LRMDA: variants seen among roughly 807,000 people sequenced by gnomAD.
The protein encoded by LRMDA is leucine-rich melanocyte differentiation-associated protein.
In LRMDA, 18 loss-of-function variants were observed where a neutral mutation model predicts 29.8. The ratio of observed to expected loss-of-function variants is 0.60; its 90% confidence interval spans 0.42 to 0.90. The LOEUF is 0.90. Ranked by LOEUF, LRMDA falls within the 40% of genes least tolerant of loss-of-function variation. The probability of loss-of-function intolerance (pLI) is 0.00; values close to 1 mark genes in which losing one functional copy is unlikely to be tolerated. For missense variants in LRMDA, 273 were observed against 273.9 expected (o/e 1.00, Z 0.02); for synonymous variants, 125 against 109.4 (o/e 1.14, Z -0.89).
intron 2 of LRMDA, among the ~76,000 whole-genome samples, chr10:75,789,859 C>T (rs1589203071): frequency 6.6e-6 from 1 of 152,178 alleles, no homozygotes; most frequent in East Asian, 1.9e-4. Context: ...GATTTCAGGA[C>T]CTCTGAAAGC....
chr10:76,205,278 C>G (rs1851513749), intron 5 of LRMDA, among the ~76,000 whole-genome samples: 2 of 152,152 alleles, frequency 1.3e-5, no homozygotes, highest in Non-Finnish European at 2.9e-5. Context: ...GATGGGGTGC[C>G]TCTTCTGTGT....
chr10:76,106,624 C>A (rs1351347387), intron 5 of LRMDA, among the ~76,000 whole-genome samples: 1 of 152,166 alleles, frequency 6.6e-6, no homozygotes, highest in Non-Finnish European at 1.5e-5. Context: ...TCCCCCAGGC[C>A]CAGTCCTGGT....
At chr10:76,134,302 A>G (rs1259460488) in intron 5 of LRMDA, among the ~76,000 whole-genome samples, 1 of 151,964 alleles carries the variant, frequency 6.6e-6, no homozygotes, top group African/African-American at 2.4e-5. Flanking sequence ...GGTGATATTC[A>G]TGGTTTTATT....
chr10:76,053,027 G>A (rs1012023579), intron 4 of LRMDA, among the ~76,000 whole-genome samples: 2 of 152,258 alleles, frequency 1.3e-5, no homozygotes, highest in Non-Finnish European at 2.9e-5. Flanking sequence ...ATTTATAGAC[G>A]GGGGTTTCTG....
chr10:76,347,973 T>C (rs1841129115), intron 6 of LRMDA, among the ~76,000 whole-genome samples: 1 of 152,166 alleles, frequency 6.6e-6, no homozygotes, highest in East Asian at 1.9e-4. Context: ...TGTACAAATG[T>C]TTGCATGCTT....
chr10:75,891,363 C>T (rs866959130), intron 2 of LRMDA, among the ~76,000 whole-genome samples: 1 of 152,138 alleles, frequency 6.6e-6, no homozygotes, highest in African/African-American at 2.4e-5. Flanking sequence ...TTGTTGGGTC[C>T]CATCCCAGTT....
intron 6 of LRMDA, among the ~76,000 whole-genome samples, chr10:76,434,596 C>G (rs998204217): frequency 6.6e-6 from 1 of 152,198 alleles, no homozygotes; most frequent in Non-Finnish European, 1.5e-5. Flanking sequence ...AGGCCATCCA[C>G]TCATCCATCT....
intron 5 of LRMDA, among the ~76,000 whole-genome samples, chr10:76,245,992 G>A (rs1446290233): frequency 4.6e-5 from 7 of 152,134 alleles, no homozygotes; most frequent in Non-Finnish European, 1.0e-4. Context: ...CACGGTATAT[G>A]CCACATACTA....
chr10:75,621,199 TAC>T (rs753933285), intron 2 of LRMDA, among the ~76,000 whole-genome samples: 57 of 136,600 alleles, frequency 4.2e-4, no homozygotes, highest in African/African-American at 1.1e-3. Context: ...AGTATTCCAT[TAC>T]ACACACACAC....
intron 2 of LRMDA, among the ~76,000 whole-genome samples, chr10:75,691,248 A>C (rs1234693782): frequency 1.5e-5 from 2 of 132,848 alleles, no homozygotes; most frequent in Non-Finnish European, 3.0e-5. Context: ...GTGTGTATGT[A>C]TGTATGTATA....
chr10:76,143,855 G>A (rs189039267), intron 5 of LRMDA, among the ~76,000 whole-genome samples: 1,934 of 152,248 alleles, frequency 0.013, 43 homozygotes, highest in African/African-American at 0.043. Flanking sequence ...AATCCATCTT[G>A]AATTAATTTT....
chr10:76,122,360 G>T (rs954019233), intron 5 of LRMDA, among the ~76,000 whole-genome samples: 2 of 151,814 alleles, frequency 1.3e-5, no homozygotes, highest in East Asian at 1.9e-4. Flanking sequence ...GCACCTTCAG[G>T]TGTTTTCCTT....
intron 2 of LRMDA, among the ~76,000 whole-genome samples, chr10:75,496,695 T>C (rs912896645): frequency 6.6e-6 from 1 of 152,142 alleles, no homozygotes; most frequent in Admixed American, 6.5e-5. Context: ...ATTGGAAGCA[T>C]GAACTGACCT....
At chr10:76,525,123 G>T (rs1490472521) in intron 6 of LRMDA, among the ~76,000 whole-genome samples, 1 of 152,156 alleles carries the variant, frequency 6.6e-6, no homozygotes, top group Non-Finnish European at 1.5e-5. Flanking sequence ...AGGGACAGGG[G>T]TTGTGATACT....
chr10:76,417,253 C>G (rs932922547), intron 6 of LRMDA, among the ~76,000 whole-genome samples: 1 of 152,146 alleles, frequency 6.6e-6, no homozygotes, highest in African/African-American at 2.4e-5. Context: ...GCTGAAATTT[C>G]TCTTTTATAT....
At chr10:76,442,036 C>T (rs1477625483) in intron 6 of LRMDA, among the ~76,000 whole-genome samples, 1 of 152,144 alleles carries the variant, frequency 6.6e-6, no homozygotes, top group African/African-American at 2.4e-5. Flanking sequence ...ATAGAAAGTA[C>T]TAATTTTGAT....
intron 2 of LRMDA, among the ~76,000 whole-genome samples, chr10:75,956,980 T>C (rs1253185509): frequency 6.6e-6 from 1 of 152,240 alleles, no homozygotes; most frequent in Non-Finnish European, 1.5e-5. Flanking sequence ...ATCTTTGCTT[T>C]GTTTGCCTTC....
At chr10:75,809,445 A>G (rs1306660197) in intron 2 of LRMDA, among the ~76,000 whole-genome samples, 1 of 152,064 alleles carries the variant, frequency 6.6e-6, no homozygotes, top group Non-Finnish European at 1.5e-5. Context: ...GGAGTTCGAG[A>G]CCAGCTGATC....
intron 2 of LRMDA, among the ~76,000 whole-genome samples, chr10:75,564,413 C>T (rs1160425873): frequency 6.6e-6 from 1 of 152,124 alleles, no homozygotes; most frequent in Non-Finnish European, 1.5e-5. Context: ...TGGGAGTGAC[C>T]CAATTTTCCA....
Sources: allele counts gnomAD v4.1 joint callset (sites outside exome capture counted in the v4.1 genomes callset), GRCh38; gene constraint gnomAD v4.1.1; transcripts MANE v1.5; gene names NCBI Gene and HGNC (gene_info 2026-07-23, HGNC 2026-07-21).